ERAL1: variants seen among roughly 807,000 people sequenced by gnomAD.
The protein encoded by ERAL1 is Era like 12S mitochondrial rRNA chaperone 1.
Under a neutral mutation model 53.6 loss-of-function variants are expected in ERAL1, and 36 were observed. The ratio of observed to expected loss-of-function variants is 0.67; its 90% CI spans 0.51 to 0.89. The LOEUF (loss-of-function observed/expected upper bound fraction) is 0.89. ERAL1 is among the 40% of genes least tolerant of loss of function. The pLI, the probability that ERAL1 is intolerant of heterozygous loss-of-function variation, is 0.00. For missense variants in ERAL1, 512 were observed against 537.5 expected (o/e 0.95, Z 0.47); for synonymous variants, 215 against 211.8 (o/e 1.02, Z -0.13).
At chr17:28,860,340 C>T in intron 9 of ERAL1, 91 bp from the exon 10 acceptor site, 1 of 1,492,312 alleles carries the variant, frequency 6.7e-7, no homozygotes, top group Non-Finnish European at 9.1e-7. Context: ...CTCCTGTGCT[C>T]AAAGGATCTT....
intron 9 of ERAL1, among the ~76,000 whole-genome samples, chr17:28,859,581 C>T (rs2039282264): frequency 6.6e-6 from 1 of 151,552 alleles, no homozygotes; most frequent in African/African-American, 2.4e-5. Context: ...ACTCTGTCAT[C>T]CAGGCTGGAG....
Position 28,858,976 on chromosome 17 carries a change from A to T in ERAL1, c.973A>T (p.Thr325Ser), listed in dbSNP as rs966983385. 3 of 1,614,120 alleles carry T rather than the reference A, an allele frequency of 1.9e-6. No homozygotes were observed. The highest frequency in any genetic ancestry group is 2.5e-6 in the Non-Finnish European group (3 of 1,180,026). Residue 325 changes from threonine (T) to serine (S), a missense_variant, in exon 8 of 10, where the codon ACA (threonine) becomes TCA (serine). Coordinates refer to ENST00000254928, the MANE Select transcript of ERAL1 (RefSeq NM_005702.4). ...DVKTLKQYLL[T>S]QAQPGPWEYH... The stretch of plus-strand genomic sequence containing the variant: ...TCTGTTCCCACAGCAATACCTTCTG[A>T]CACAGGCCCAGCCAGGGCCCTGGGA...
Position 28,858,617 on chromosome 17 carries a change from G to C in ERAL1, c.753G>C (p.Thr251=). 1 of 1,614,136 alleles carries C rather than the reference G, an allele frequency of 6.2e-7. No homozygotes were observed. Among genetic ancestry groups the C allele is most frequent in the Non-Finnish European group, 8.5e-7 (1 of 1,180,010 alleles). The change falls in exon 7 of 10, where the codon ACG becomes ACC. Residue 251 remains threonine, a synonymous_variant. Coordinates refer to ENST00000254928, the MANE Select transcript of ERAL1 (RefSeq NM_005702.4). ...AGAAGTCAGTTCTCCTGGAGCTCAC[G>C]GCAGCCCTCACTGAAGGTGTGGTCA... The part of the protein sequence containing the change: ...LKQKSVLLEL[T]AALTEGVVNG...
At chr17:28,856,020 T>C (rs2039238225) in intron 1 of ERAL1, among the ~76,000 whole-genome samples, 1 of 152,210 alleles carries the variant, frequency 6.6e-6, no homozygotes, top group African/African-American at 2.4e-5. Flanking sequence ...AAAAAAATTA[T>C]AAGCTGGTAA....
chr17:28,858,409 C>T lies in ERAL1; in HGVS notation c.634C>T (p.Arg212Trp), dbSNP rs764505636. Residue 212 changes from arginine to tryptophan, a missense_variant, in exon 6 of 10, where the codon CGG (arginine) becomes TGG (tryptophan). Arg to Trp is a moderately radical substitution (Grantham distance 101, BLOSUM62 -3). Transcript: ENST00000254928. ...TGTGGATGTCTCAGACAAGTGGACA[C>T]GGAACCAGCTCAGCCCCCAGTTGCT... ...VLVDVSDKWT[R>W]NQLSPQLLRC... 17 of 1,613,976 alleles carry T rather than the reference C, an allele frequency of 1.1e-5. No homozygotes were observed. Among genetic ancestry groups the T allele is most frequent in the Middle Eastern group, 1.6e-4 (1 of 6,084 alleles).
In ERAL1 at chr17:28,855,039, C is replaced by G; in HGVS notation, c.5C>G (p.Ala2Gly). The change falls in exon 1 of 10, where the codon GCT (alanine) becomes GGT (glycine). Residue 2 changes from alanine (A) to glycine (G), a missense_variant. Transcript: ENST00000254928. ...CCGCAGTGCCTTGCGGCTGTAATGG[C>G]TGCCCCCAGCTGGCGCGGGGCTAGG... MAAPSWRGARLV... is the reference protein window; with the variant it reads MGAPSWRGARLV... 6.3e-7 allele frequency: 1 copy of G among 1,588,312 alleles called. No individual in the cohort carries two copies. The highest frequency in any genetic ancestry group is 8.6e-7 in the Non-Finnish European group (1 of 1,164,298).
At position 28,855,285 on chromosome 17, in the gene ERAL1, C is replaced by T. The variant is rs1475163571; in HGVS notation, c.251C>T (p.Thr84Ile). The change falls in exon 1 of 10, where the codon ACT (threonine) becomes ATT (isoleucine). Residue 84 changes from threonine (T) to isoleucine (I), a missense_variant. Transcript: ENST00000254928. Reference sequence around the variant, plus strand: ...TTCTCTCAGCCCGACAGTTCGGTGACTCCTTGCGTCCCCGCGGTGTCCATG... The same window carrying T: ...TTCTCTCAGCCCGACAGTTCGGTGATTCCTTGCGTCCCCGCGGTGTCCATG... ...LGFSQPDSSV[T>I]PCVPAVSMNR... 6.2e-7 allele frequency: 1 copy of T among 1,606,458 alleles called. No homozygotes were observed. Among genetic ancestry groups the T allele is most frequent in the South Asian group, 1.1e-5 (1 of 90,666 alleles).
In ERAL1 at chr17:28,858,374, T is replaced by C; in HGVS notation, c.599T>C (p.Val200Ala). 2.5e-6 allele frequency: 4 copies of C among 1,614,112 alleles called. No homozygotes were observed. The highest frequency in any genetic ancestry group is 3.4e-6 in the Non-Finnish European group (4 of 1,179,988). ...TTCTTCCTGCCTTGCCATCTTCTAG[T>C]TGTGGTTCTTGTGGATGTCTCAGAC... Reference protein sequence around the residue: ...PWKSMESADLVVVLVDVSDKW... With the variant: ...PWKSMESADLAVVLVDVSDKW... Residue 200 changes from valine (V) to alanine (A), a missense_variant and splice_region_variant, in exon 6 of 10, where the codon GTT becomes GCT. Transcript: ENST00000254928.
In ERAL1 at chr17:28,859,044, C is replaced by G; in HGVS notation, c.1041C>G (p.Ile347Met). The G allele has an allele frequency of 1.9e-6, 3 of 1,614,196 alleles. No individual in the cohort carries two copies. Among genetic ancestry groups the G allele is most frequent in the Non-Finnish European group, 2.5e-6 (3 of 1,180,040 alleles). The change falls in exon 8 of 10, where the codon ATC (isoleucine) becomes ATG (methionine). Residue 347 changes from isoleucine to methionine, a missense_variant. Coordinates refer to ENST00000254928, the MANE Select transcript of ERAL1 (RefSeq NM_005702.4). ...TCACTAGCCAGACACCAGAAGAGAT[C>G]TGTGCCAACATTATCCGAGAGAAGC... ...AVLTSQTPEEICANIIREKLL... is the reference protein window; with the variant it reads ...AVLTSQTPEEMCANIIREKLL...
At chr17:28,856,721 T>C (rs780481800) in intron 3 of ERAL1, 139 bp downstream of exon 3, 7 of 781,646 alleles carry the variant, frequency 9.0e-6, no homozygotes, top group Non-Finnish European at 1.5e-5. Context: ...TTTCTTTTTT[T>C]TTTTTTTTGA....
Position 28,859,034 on chromosome 17 carries a change from C to G in ERAL1, c.1031C>G (p.Pro344Arg), listed in dbSNP as rs761557622. 6.2e-7 allele frequency: 1 copy of G among 1,614,200 alleles called. No individual in the cohort carries two copies. Among genetic ancestry groups the G allele is most frequent in the East Asian group, 2.2e-5 (1 of 44,882 alleles). The change falls in exon 8 of 10, where the codon CCA becomes CGA. Residue 344 changes from proline to arginine, a missense_variant. Coordinates refer to ENST00000254928, the MANE Select transcript of ERAL1 (RefSeq NM_005702.4). ...YHSAVLTSQT[P>R]EEICANIIRE... ...AGTGCAGTCCTCACTAGCCAGACACCAGAAGAGATCTGTGCCAACATTATC... is the reference window on the plus strand; with the variant it reads ...AGTGCAGTCCTCACTAGCCAGACACGAGAAGAGATCTGTGCCAACATTATC...
Position 28,855,122 on chromosome 17 carries a change from G to C in ERAL1, c.88G>C (p.Val30Leu), listed in dbSNP as rs1220167648. 6.2e-7 allele frequency: 1 copy of C among 1,614,236 alleles called. No individual in the cohort carries two copies. The highest frequency in any genetic ancestry group is 2.2e-5 in the East Asian group (1 of 44,886). ...QVGPHVARER[V>L]IPFSSLLGFQ... ...GGGCCCTCATGTCGCGAGGGAGCGG[G>C]TGATCCCTTTTTCCTCACTCTTAGG... Residue 30 changes from valine (V) to leucine (L), a missense_variant, in exon 1 of 10, where the codon GTG (valine) becomes CTG (leucine). Transcript: ENST00000254928.
chr17:28,855,457 A>T (rs1216975396), intron 1 of ERAL1, 140 bp downstream of exon 1: 5 of 1,003,456 alleles, frequency 5.0e-6, no homozygotes, highest in Non-Finnish European at 6.9e-6. Context: ...ATCTCTCAGG[A>T]GAGAAATAAC....
chr17:28,856,721 T>A (rs780481800), intron 3 of ERAL1, 139 bp downstream of exon 3: 1 of 781,756 alleles, frequency 1.3e-6, no homozygotes, highest in South Asian at 1.7e-5. Flanking sequence ...TTTCTTTTTT[T>A]TTTTTTTTGA....
chr17:28,856,520 A>T lies in ERAL1; in HGVS notation c.427A>T (p.Arg143Trp), dbSNP rs760315433. The T allele has an allele frequency of 1.2e-6, 2 of 1,613,762 alleles. No individual in the cohort carries two copies. The highest frequency in any genetic ancestry group is 1.7e-6 in the Non-Finnish European group (2 of 1,179,838). ...TTCCTGGCAGGTGTTCCCTGTTTCC[A>T]GGAAGGTGCATACTACTCGCTGCCA... The part of the protein sequence containing the change: ...LLGRKVFPVS[R>W]KVHTTRCQAL... Residue 143 changes from arginine to tryptophan, a missense_variant, in exon 3 of 10, where the codon AGG becomes TGG. Physicochemically the swap from Arg to Trp is moderately radical, Grantham distance 101. Transcript: ENST00000254928.
At position 28,855,067 on chromosome 17, in the gene ERAL1, T is replaced by C. The variant is rs1414930393; in HGVS notation, c.33T>C (p.Leu11=). MAAPSWRGAR[L]VQSVLRVWQV... ...CCCCCAGCTGGCGCGGGGCTAGGCTTGTTCAATCGGTGTTAAGAGTCTGGC... is the reference window on the plus strand; with the variant it reads ...CCCCCAGCTGGCGCGGGGCTAGGCTCGTTCAATCGGTGTTAAGAGTCTGGC... Residue 11 remains leucine (L), a synonymous_variant, in exon 1 of 10, where the codon CTT becomes CTC. Coordinates refer to ENST00000254928, the MANE Select transcript of ERAL1 (RefSeq NM_005702.4). The C allele has an allele frequency of 6.2e-7, 1 of 1,611,454 alleles. No individual in the cohort carries two copies. The highest frequency in any genetic ancestry group is 8.5e-7 in the Non-Finnish European group (1 of 1,178,252).
At position 28,858,664 on chromosome 17, in the gene ERAL1, G is replaced by C; in HGVS notation, c.800G>C (p.Arg267Thr). ...GTCAATGGCAAAAAGCTCAAGATGA[G>C]GCAGGCCTTCCACTCACACCCTGGC... Reference protein sequence around the residue: ...GVVNGKKLKMRQAFHSHPGTH... With the variant: ...GVVNGKKLKMTQAFHSHPGTH... The change falls in exon 7 of 10, where the codon AGG (arginine) becomes ACG (threonine). Residue 267 changes from arginine to threonine, a missense_variant. By Grantham distance (71) the Arg-to-Thr change is moderately conservative (BLOSUM62 -1). Transcript: ENST00000254928. The C allele has an allele frequency of 1.9e-6, 3 of 1,614,202 alleles. No individual in the cohort carries two copies. Among genetic ancestry groups the C allele is most frequent in the Non-Finnish European group, 2.5e-6 (3 of 1,180,038 alleles).
At position 28,855,056 on chromosome 17, in the gene ERAL1, G is replaced by A. The variant is rs772920653; in HGVS notation, c.22G>A (p.Gly8Arg). 45 of 1,595,872 alleles carry A rather than the reference G, an allele frequency of 2.8e-5. No homozygotes were observed. Among genetic ancestry groups the A allele is most frequent in the Middle Eastern group, 3.4e-4 (2 of 5,928 alleles). The part of the protein sequence containing the change: MAAPSWR[G>R]ARLVQSVLRV... ...TGTAATGGCTGCCCCCAGCTGGCGC[G>A]GGGCTAGGCTTGTTCAATCGGTGTT... The change falls in exon 1 of 10, where the codon GGG (glycine) becomes AGG (arginine). Residue 8 changes from glycine to arginine, a missense_variant. Transcript: ENST00000254928.
At chr17:28,860,214 T>G (rs1250177579) in intron 9 of ERAL1, among the ~76,000 whole-genome samples, 1 of 152,182 alleles carries the variant, frequency 6.6e-6, no homozygotes, top group East Asian at 1.9e-4. Context: ...TGACCTCAGG[T>G]GATCTGCCCG....
Sources: allele counts gnomAD v4.1 joint callset (sites outside exome capture counted in the v4.1 genomes callset), GRCh38; gene constraint gnomAD v4.1.1; transcripts MANE v1.5; gene names NCBI Gene and HGNC (gene_info 2026-07-23, HGNC 2026-07-21).